Variants in FASTKD1 observed in about 807,000 individuals in gnomAD.
FASTKD1 encodes the protein FAST kinase domains 1.
A neutral mutation model predicts 90.9 loss-of-function variants in FASTKD1; 94 were observed. The ratio of observed to expected loss-of-function variants is 1.03; its 90% confidence interval spans 0.88 to 1.23. The LOEUF is 1.23. FASTKD1 is among the 50% of genes most tolerant of loss of function. FASTKD1 has a pLI of 0.00. For synonymous variants in FASTKD1, 319 were observed against 345.8 expected (o/e 0.92, Z 0.86); for missense variants, 945 against 993.5 (o/e 0.95, Z 0.66).
chr2:169,562,830 G>A (rs1349705512), intron 4 of FASTKD1, among the ~76,000 whole-genome samples: 5 of 152,220 alleles, frequency 3.3e-5, no homozygotes, highest in African/African-American at 9.6e-5. Context: ...TTATGGGAAC[G>A]AGAGCTCAGG....
rs373452464 is a variant in FASTKD1 at position 169,557,163 on chromosome 2, C to T, written c.1082+24G>A. ...TGCTTGTGAATGACAACAAACTTAA[C>T]GTCGTAAATTTCAGAAAAGATACCT... On this transcript the variant is annotated intron_variant, in intron 6 of 14. Coordinates refer to ENST00000453153, the MANE Select transcript of FASTKD1 (RefSeq NM_024622.6). The T allele has an allele frequency of 1.8e-4, 252 of 1,424,714 alleles. 7 individuals carry two copies. In the East Asian group the frequency reaches 2.2e-3, roughly 13 times the overall value. 88.3% of individuals were successfully genotyped at this position (1,424,714 alleles called of 1,614,324 possible).
Position 169,540,180 on chromosome 2 carries a change from C to G in FASTKD1, c.1817-1G>C. ...ACTAATATAAAAGGATCCAATATAC[C>G]TAAAAGAAAATTAAGATTTTTTTAA... On this transcript the variant is annotated splice_acceptor_variant, in intron 9 of 14. Transcript: ENST00000453153. LOFTEE classifies it high-confidence loss of function. 1 of 1,539,964 alleles carries G rather than the reference C, an allele frequency of 6.5e-7. No homozygotes were observed. Among genetic ancestry groups the G allele is most frequent in the Non-Finnish European group, 8.8e-7 (1 of 1,130,094 alleles).
chr2:169,561,246 C>A (rs1268073732), intron 4 of FASTKD1, among the ~76,000 whole-genome samples: 1 of 150,910 alleles, frequency 6.6e-6, no homozygotes, highest in East Asian at 2.0e-4. Flanking sequence ...TGCATCATTG[C>A]ACTCCAGTCA....
At chr2:169,572,325 C>T (rs1684271281) in intron 1 of FASTKD1, among the ~76,000 whole-genome samples, 154 bp from the exon 2 acceptor site, 1 of 151,862 alleles carries the variant, frequency 6.6e-6, no homozygotes, top group African/African-American at 2.4e-5. Flanking sequence ...AAATAAATGT[C>T]CAGAAAAAGG....
chr2:169,548,334 A>T (rs958802119), intron 7 of FASTKD1, among the ~76,000 whole-genome samples: 1 of 152,032 alleles, frequency 6.6e-6, no homozygotes, highest in Non-Finnish European at 1.5e-5. Context: ...AAACAACAAC[A>T]AAAGAAACAG....
intron 3 of FASTKD1, among the ~76,000 whole-genome samples, chr2:169,564,140 T>A (rs1683845847): frequency 6.6e-6 from 1 of 152,162 alleles, no homozygotes; most frequent in African/African-American, 2.4e-5. Context: ...ATAATTTTTA[T>A]ACATTATTTT....
intron 7 of FASTKD1, among the ~76,000 whole-genome samples, chr2:169,553,564 A>C (rs1021201652): frequency 2.0e-5 from 3 of 152,220 alleles, no homozygotes; most frequent in African/African-American, 7.2e-5. Context: ...CCATAATGGC[A>C]TATCACTTTA....
At chr2:169,542,331 C>T (rs1244497293) in intron 9 of FASTKD1, among the ~76,000 whole-genome samples, 1 of 152,180 alleles carries the variant, frequency 6.6e-6, no homozygotes, top group African/African-American at 2.4e-5. Flanking sequence ...TCCTCTAAAG[C>T]TTCTATATCA....
At position 169,571,497 on chromosome 2, in the gene FASTKD1, G is replaced by C. The variant is rs557077421; in HGVS notation, c.377+156C>G. On this transcript the variant is annotated intron_variant, in intron 2 of 14. Transcript: ENST00000453153. Reference sequence around the variant, plus strand: ...GAGAATGGCGTGAACCTGGGAGGCAGAGCTTGCAGTGAGCCGAGATCATGC... The same window carrying C: ...GAGAATGGCGTGAACCTGGGAGGCACAGCTTGCAGTGAGCCGAGATCATGC... 2.2e-3 allele frequency among the ~76,000 whole-genome samples: 334 copies of C among 152,274 alleles called. 1 individual carries two copies. The highest frequency in any genetic ancestry group is 7.6e-3 in the African/African-American group (316 of 41,546).
At chr2:169,572,336 G>A (rs576881946) in intron 1 of FASTKD1, among the ~76,000 whole-genome samples, 165 bp from the exon 2 acceptor site, 1 of 151,826 alleles carries the variant, frequency 6.6e-6, no homozygotes, top group African/African-American at 2.4e-5. Context: ...CAGAAAAAGG[G>A]GCTTCTTTCT....
At position 169,550,728 on chromosome 2, in the gene FASTKD1, C is replaced by T. The variant is rs375957323; in HGVS notation, c.1215-4024G>A. On this transcript the variant is annotated intron_variant, in intron 7 of 14. Coordinates refer to ENST00000453153, the MANE Select transcript of FASTKD1 (RefSeq NM_024622.6). ...TCCTGGCCTCAAATGATCCTCCTGC[C>T]TCAGCCTCTCAAATATACTTTTTTC... Among the ~76,000 whole-genome samples, 22 of 152,238 alleles carry T rather than the reference C, an allele frequency of 1.4e-4. No individual in the cohort carries two copies. The South Asian group carries it at 4.4e-3, about 30-fold the overall frequency.
chr2:169,566,572 C>T (rs550726197), intron 3 of FASTKD1, among the ~76,000 whole-genome samples: 4 of 152,076 alleles, frequency 2.6e-5, no homozygotes, highest in South Asian at 2.1e-4. Context: ...ATTAGCTGGG[C>T]GTGGTGGCAT....
chr2:169,548,404 C>T (rs938311412), intron 7 of FASTKD1, among the ~76,000 whole-genome samples: 1 of 146,800 alleles, frequency 6.8e-6, no homozygotes, highest in Non-Finnish European at 1.5e-5. Context: ...AGTCCCACCA[C>T]CAGGACAATA....
At position 169,531,450 on chromosome 2, in the gene FASTKD1, C is replaced by T. The variant is rs146301958; in HGVS notation, c.2229G>A (p.Pro743=). The T allele has an allele frequency of 6.0e-5, 97 of 1,610,530 alleles. 1 individual carries two copies. In the South Asian group the frequency reaches 7.1e-4, roughly 12 times the overall value. The part of the protein sequence containing the change: ...CILDKRKKPL[P]YGSHNIALGQ... ...CCAATGCTATATTATGGCTTCCATA[C>T]GGAAGAGGTTTTTTTCTTTTATCCA... The change falls in exon 13 of 15, where the codon CCG becomes CCA. Residue 743 remains proline (P), a synonymous_variant. Coordinates refer to ENST00000453153, the MANE Select transcript of FASTKD1 (RefSeq NM_024622.6).
In FASTKD1 at chr2:169,546,687, A is replaced by C. The variant is rs1685221995; in HGVS notation, c.1232T>G (p.Phe411Cys). The change falls in exon 8 of 15, where the codon TTC becomes TGC. Residue 411 changes from phenylalanine to cysteine, a missense_variant. Transcript: ENST00000453153. ...CAGAACAGACACCTCAGTTGGTATG[A>C]AACTATTTTTCAAATAACTGCAAAA... The part of the protein sequence containing the change: ...ELLLSYLKNS[F>C]IPTEVSVLVR... 1 of 1,595,498 alleles carries C rather than the reference A, an allele frequency of 6.3e-7. No individual in the cohort carries two copies. The highest frequency in any genetic ancestry group is 8.5e-7 in the Non-Finnish European group (1 of 1,171,972).
intron 9 of FASTKD1, among the ~76,000 whole-genome samples, chr2:169,543,248 A>G (rs1421510239): frequency 6.6e-6 from 1 of 152,054 alleles, no homozygotes; most frequent in Non-Finnish European, 1.5e-5. Context: ...TGGATCACCT[A>G]AAGTCGGGAG....
intron 2 of FASTKD1, 59 bp from the exon 3 acceptor site, chr2:169,569,311 T>C (rs1040009056): frequency 5.4e-6 from 8 of 1,479,066 alleles, no homozygotes; most frequent in East Asian, 2.3e-5. Flanking sequence ...TAAAAACATA[T>C]GCAATACGAA....
rs781189602 is a variant in FASTKD1 at position 169,571,777 on chromosome 2, G to A, written c.253C>T (p.Leu85=). The part of the protein sequence containing the change: ...LWKLQKQKTS[L]LKNAEYVRDH... ...CTGACATACTCAGCATTTTTTAACA[G>A]GCTGGTCTTCTGCTTTTGAAGCTTC... The change falls in exon 2 of 15, where the codon CTG becomes TTG. Residue 85 remains leucine (L), a synonymous_variant. Transcript: ENST00000453153. The A allele has an allele frequency of 1.2e-6, 2 of 1,614,056 alleles. No individual in the cohort carries two copies. The highest frequency in any genetic ancestry group is 2.7e-5 in the African/African-American group (2 of 75,030).
rs1031063347 is a variant in FASTKD1, at chr2:169,528,866, T to C, written c.*959A>G. Among the ~76,000 whole-genome samples the C allele has an allele frequency of 6.6e-6, 1 of 152,116 alleles. No homozygotes were observed. Among genetic ancestry groups the C allele is most frequent in the African/African-American group, 2.4e-5 (1 of 41,406 alleles). ...TTCTAGGAAGTATTACTTACCTTCC[T>C]TCCTCCTACCTCATTGGCCATCCCT... On this transcript the variant is annotated 3_prime_UTR_variant, in exon 15 of 15. Transcript: ENST00000453153.
Sources: allele counts gnomAD v4.1 joint callset (sites outside exome capture counted in the v4.1 genomes callset), GRCh38; gene constraint gnomAD v4.1.1; transcripts MANE v1.5; gene names NCBI Gene and HGNC (gene_info 2026-07-23, HGNC 2026-07-21).